Variants in ZNF532 observed in about 807,000 individuals in gnomAD.
ZNF532 encodes the protein zinc finger protein 532.
Under a neutral mutation model 89.3 loss-of-function variants are expected in ZNF532, and 22 were observed. That is an observed-to-expected ratio of 0.25 (90% confidence interval 0.18 to 0.35). The LOEUF (loss-of-function observed/expected upper bound fraction) is 0.35, where lower values mean the gene tolerates loss of function less well. Among genes scored for constraint, ZNF532 ranks in the 10% least tolerant of loss-of-function variants. The pLI is 1.00. For missense variants in ZNF532, 1,132 were observed against 1,643.4 expected (o/e 0.69, Z 5.38); for synonymous variants, 606 against 649.6 (o/e 0.93, Z 1.02).
chr18:58,920,116 C>T lies in ZNF532; in HGVS notation c.1829C>T (p.Thr610Met), dbSNP rs762965139. The T allele has an allele frequency of 6.8e-6, 11 of 1,613,862 alleles. No homozygotes were observed. The highest frequency in any genetic ancestry group is 2.2e-5 in the South Asian group (2 of 91,080). ...NLSPPANAGI[T>M]LPTRGYKCLE... ...AGTCCTCCCGCCAATGCAGGGATCA[C>T]GTTACCGACGCGTGGGTACAAGTGC... The change falls in exon 3 of 10, where the codon ACG becomes ATG. Residue 610 changes from threonine to methionine, a missense_variant. Thr to Met is a moderately conservative substitution (Grantham distance 81). Around this residue, in one of 9 missense-constraint regions of ZNF532, gnomAD observed 70 missense variants for 152.1 expected, o/e 0.46. Coordinates refer to ENST00000591808, the MANE Select transcript of ZNF532 (RefSeq NM_001375912.1).
At chr18:58,885,280 C>T (rs566802054) in intron 2 of ZNF532, among the ~76,000 whole-genome samples, 6 of 152,200 alleles carry the variant, frequency 3.9e-5, no homozygotes, top group East Asian at 1.9e-4. Context: ...TGAGCCACAG[C>T]GCTCAGCTGG....
chr18:58,894,365 G>A (rs2059113204), intron 2 of ZNF532, among the ~76,000 whole-genome samples: 1 of 151,674 alleles, frequency 6.6e-6, no homozygotes, highest in Non-Finnish European at 1.5e-5. Flanking sequence ...TACTCAGTAA[G>A]CTGAGGCAGG....
At chr18:58,954,552 GTCC>G (rs897632245) in intron 7 of ZNF532, among the ~76,000 whole-genome samples, 11 of 151,706 alleles carry the variant, frequency 7.3e-5, no homozygotes, top group Admixed American at 4.6e-4. Flanking sequence ...ATTTTACGTA[GTCC>G]TCCTTTCATT....
intron 2 of ZNF532, among the ~76,000 whole-genome samples, chr18:58,872,546 C>T (rs2057073928): frequency 6.6e-6 from 1 of 152,186 alleles, no homozygotes; most frequent in East Asian, 1.9e-4. Context: ...GTACTTCACA[C>T]ATTTGTAGTT....
intron 2 of ZNF532, among the ~76,000 whole-genome samples, chr18:58,907,891 T>C (rs1334714666): frequency 6.6e-6 from 1 of 152,190 alleles, no homozygotes; most frequent in African/African-American, 2.4e-5. Flanking sequence ...CTTTCCTTCT[T>C]TTGCTGAAAG....
intron 2 of ZNF532, among the ~76,000 whole-genome samples, chr18:58,913,074 C>A (rs372809809): frequency 1.3e-5 from 2 of 151,900 alleles, no homozygotes; most frequent in African/African-American, 4.8e-5. Context: ...GATATGCAGT[C>A]GAGATTGAAG....
At chr18:58,969,857 G>A (rs1415837418) in intron 7 of ZNF532, among the ~76,000 whole-genome samples, 1 of 138,256 alleles carries the variant, frequency 7.2e-6, no homozygotes, top group African/African-American at 2.7e-5. Context: ...TTTTTATTAT[G>A]TAGCAATATT....
intron 2 of ZNF532, among the ~76,000 whole-genome samples, chr18:58,907,195 GT>G (rs879605309): frequency 2.0e-5 from 3 of 152,030 alleles, no homozygotes; most frequent in Non-Finnish European, 2.9e-5. Context: ...TTGTTTGTTT[GT>G]TTTTTTAAAG....
intron 2 of ZNF532, among the ~76,000 whole-genome samples, chr18:58,896,271 C>G (rs1251239296): frequency 1.3e-5 from 2 of 152,062 alleles, no homozygotes; most frequent in African/African-American, 4.8e-5. Flanking sequence ...CATAAGTGTA[C>G]AGTTCAGTGA....
intron 2 of ZNF532, among the ~76,000 whole-genome samples, chr18:58,914,973 G>A (rs911932107): frequency 1.3e-5 from 2 of 152,190 alleles, no homozygotes; most frequent in African/African-American, 4.8e-5. Flanking sequence ...ATTCCTCTTT[G>A]TATTCAGTAT....
At chr18:58,947,245 A>T (rs2063743280) in intron 5 of ZNF532, among the ~76,000 whole-genome samples, 2 of 152,124 alleles carry the variant, frequency 1.3e-5, no homozygotes, top group Non-Finnish European at 2.9e-5. Flanking sequence ...ACACACATCC[A>T]TTGGAGGCAG....
At chr18:58,871,666 G>T (rs1462361515) in intron 2 of ZNF532, among the ~76,000 whole-genome samples, 1 of 152,228 alleles carries the variant, frequency 6.6e-6, no homozygotes, top group African/African-American at 2.4e-5. Context: ...GTTCACGTTG[G>T]AGGTGATAGC....
intron 7 of ZNF532, among the ~76,000 whole-genome samples, chr18:58,968,607 C>T (rs1187368368): frequency 6.6e-6 from 1 of 152,218 alleles, no homozygotes; most frequent in Admixed American, 6.5e-5. Context: ...CCCTCCCTGT[C>T]CCTGGAATCC....
chr18:58,893,230 G>A (rs577766829), intron 2 of ZNF532, among the ~76,000 whole-genome samples: 6 of 151,932 alleles, frequency 3.9e-5, no homozygotes, highest in Non-Finnish European at 8.8e-5. Flanking sequence ...TGCCTGCCTC[G>A]GCCTGCCAAA....
At chr18:58,936,650 G>A (rs1198422276) in intron 4 of ZNF532, among the ~76,000 whole-genome samples, 2 of 152,192 alleles carry the variant, frequency 1.3e-5, no homozygotes, top group African/African-American at 2.4e-5. Context: ...TGTGTTAAGT[G>A]TAGATTTTTT....
intron 5 of ZNF532, among the ~76,000 whole-genome samples, chr18:58,945,210 C>A (rs1242961514): frequency 6.6e-6 from 1 of 152,174 alleles, no homozygotes; most frequent in Non-Finnish European, 1.5e-5. Context: ...GGGACCCAGG[C>A]CTCTCCTGTG....
At chr18:58,893,647 ACT>A (rs1255401320) in intron 2 of ZNF532, among the ~76,000 whole-genome samples, 1 of 138,998 alleles carries the variant, frequency 7.2e-6, no homozygotes, top group Non-Finnish European at 1.5e-5. Context: ...ACAAAGCAAG[ACT>A]CTGTCTCAAA....
At chr18:58,875,141 CT>C (rs751597044) in intron 2 of ZNF532, among the ~76,000 whole-genome samples, 9 of 149,120 alleles carry the variant, frequency 6.0e-5, no homozygotes, top group South Asian at 2.2e-4. Flanking sequence ...GCTATTTCAC[CT>C]TTCCCCCCCC....
At chr18:58,892,478 C>A (rs1366499997) in intron 2 of ZNF532, among the ~76,000 whole-genome samples, 2 of 152,198 alleles carry the variant, frequency 1.3e-5, no homozygotes, top group Non-Finnish European at 2.9e-5. Context: ...ATTTAGAAAT[C>A]TGTATCCCAA....
Sources: gnomAD v4.1 joint callset for allele counts (sites outside exome capture counted in the v4.1 genomes callset) on GRCh38, gnomAD v4.1.1 for gene constraint, gnomAD v4.1.1 regional missense constraint, MANE v1.5 for transcripts, NCBI Gene and HGNC (gene_info 2026-07-23, HGNC 2026-07-21) for gene names.